Variants in VCF2 observed in about 807,000 individuals in gnomAD.
VCF2 encodes protein VCF2.
chrX:55,147,226 CA>C, the VCF2 span, among the ~76,000 whole-genome samples: 1 of 111,604 alleles, frequency 9.0e-6, no homozygotes, highest in Non-Finnish European at 1.9e-5. Flanking sequence ...CCAAAGGTAA[CA>C]TTAGTAAGAT....
the VCF2 span, among the ~76,000 whole-genome samples, chrX:55,148,521 G>C: frequency 9.1e-3 from 1,004 of 109,958 alleles, 9 homozygotes; most frequent in African/African-American, 0.031. Flanking sequence ...ACGTTAAAAG[G>C]AAAATAATTT....
At chrX:55,153,121 G>T in the VCF2 span, among the ~76,000 whole-genome samples, 103 of 111,017 alleles carry the variant, frequency 9.3e-4, no homozygotes, top group African/African-American at 3.1e-3. Flanking sequence ...GGTGTCTTCC[G>T]TCTCCCTAAA....
chrX:55,152,646 T>A, the VCF2 span, among the ~76,000 whole-genome samples: 1 of 111,918 alleles, frequency 8.9e-6, no homozygotes, highest in Non-Finnish European at 1.9e-5. Context: ...GTGAAAAACA[T>A]TTTCACTAAA....
chrX:55,144,259 T>C, the VCF2 span, among the ~76,000 whole-genome samples: 2 of 111,459 alleles, frequency 1.8e-5, no homozygotes. Flanking sequence ...ACATGTGGGT[T>C]GAAAATTCAA....
chrX:55,156,975 T>G, the VCF2 span, among the ~76,000 whole-genome samples: 5 of 112,454 alleles, frequency 4.4e-5, no homozygotes, highest in Non-Finnish European at 9.4e-5. Flanking sequence ...CACGGCTTCT[T>G]AAAATGTACA....
chrX:55,156,099 G>A, the VCF2 span, among the ~76,000 whole-genome samples: 3 of 109,445 alleles, frequency 2.7e-5, no homozygotes, highest in Admixed American at 9.7e-5. Context: ...CTACAGGTGC[G>A]CGCCACCAAG....
At chrX:55,143,734 A>G in the VCF2 span, 1 of 1,019,223 alleles carries the variant, frequency 9.8e-7, no homozygotes, top group Non-Finnish European at 1.4e-6. Flanking sequence ...CTTTCTTCTG[A>G]TATTCCTTGA....
At chrX:55,144,393 C>G in the VCF2 span, among the ~76,000 whole-genome samples, 1 of 111,748 alleles carries the variant, frequency 8.9e-6, no homozygotes, top group Non-Finnish European at 1.9e-5. Flanking sequence ...CACCATACAT[C>G]TGGTATTGAC....
the VCF2 span, chrX:55,160,882 G>T: frequency 8.7e-7 from 1 of 1,148,917 alleles, no homozygotes; most frequent in South Asian, 1.9e-5. Flanking sequence ...GAACCAGCAT[G>T]TTCTTTCGGA....
the VCF2 span, among the ~76,000 whole-genome samples, chrX:55,144,857 G>T: frequency 2.7e-5 from 3 of 112,218 alleles, no homozygotes; most frequent in African/African-American, 9.7e-5. Context: ...AGACTCTAAC[G>T]CATTTTTGTT....
the VCF2 span, chrX:55,143,914 T>A: frequency 1.0e-6 from 1 of 987,531 alleles, no homozygotes; most frequent in Non-Finnish European, 1.4e-6. Context: ...TTGTATTTAC[T>A]AGGACAAGAG....
At chrX:55,160,196 G>C in the VCF2 span, among the ~76,000 whole-genome samples, 1 of 112,058 alleles carries the variant, frequency 8.9e-6, no homozygotes, top group Non-Finnish European at 1.9e-5. Context: ...AATGTTTATT[G>C]AGCATCCACT....
the VCF2 span, chrX:55,161,106 G>C: frequency 8.3e-7 from 1 of 1,207,363 alleles, no homozygotes; most frequent in Non-Finnish European, 1.1e-6. Flanking sequence ...GCTCGGACTG[G>C]TACCGGCCGG....
the VCF2 span, among the ~76,000 whole-genome samples, chrX:55,157,494 T>C: frequency 2.7e-5 from 3 of 112,091 alleles, no homozygotes; most frequent in Non-Finnish European, 5.6e-5. Context: ...ATCGTGCCAC[T>C]GCACCTCCAG....
chrX:55,160,366 T>C, the VCF2 span, among the ~76,000 whole-genome samples: 1 of 112,462 alleles, frequency 8.9e-6, no homozygotes, highest in African/African-American at 3.2e-5. Context: ...TTTCAACAGC[T>C]TACAATACGT....
At chrX:55,145,673 T>A in the VCF2 span, 2 of 760,505 alleles carry the variant, frequency 2.6e-6, no homozygotes, top group Non-Finnish European at 3.1e-6. Flanking sequence ...AAATGAAAGC[T>A]ACATACCTCT....
the VCF2 span, chrX:55,160,675 C>A: frequency 9.7e-6 from 5 of 512,833 alleles, no homozygotes; most frequent in East Asian, 1.5e-4. Context: ...GTCCATAGAA[C>A]CCCAGTAACA....
the VCF2 span, among the ~76,000 whole-genome samples, chrX:55,151,544 C>T: frequency 5.7e-5 from 5 of 87,916 alleles, no homozygotes; most frequent in East Asian, 1.5e-3. Flanking sequence ...AGAGCGTGCA[C>T]GGCAAATAGT....
chrX:55,160,756 C>A, the VCF2 span: 34 of 1,042,603 alleles, frequency 3.3e-5, no homozygotes, highest in Non-Finnish European at 2.3e-5. Flanking sequence ...GCAGCCTCAC[C>A]GAGGAAATGC....
Sources: gnomAD v4.1 joint callset for allele counts (sites outside exome capture counted in the v4.1 genomes callset) on GRCh38, gnomAD v4.1.1 for gene constraint, MANE v1.5 for transcripts, NCBI Gene and HGNC (gene_info 2026-07-23, HGNC 2026-07-21) for gene names.